Variants in KBTBD11 observed in about 807,000 individuals in gnomAD.
KBTBD11 encodes the protein kelch repeat and BTB domain-containing protein 11.
For synonymous variants in KBTBD11, 747 were observed against 499.0 expected (o/e 1.50, Z -6.63); for missense variants, 1,390 against 1,001.8 (o/e 1.39, Z -5.23).
In KBTBD11 at chr8:1,973,908, C is replaced by T. The variant is rs1816210785; in HGVS notation, c.-936C>T. 3 of 982,798 alleles carry T rather than the reference C, an allele frequency of 3.1e-6. No individual in the cohort carries two copies. The South Asian group carries it at 1.4e-4, about 46-fold the overall frequency. 60.9% of individuals were successfully genotyped at this position (982,798 alleles called of 1,614,324 possible). On this transcript the variant is annotated 5_prime_UTR_variant, in exon 1 of 2. Coordinates refer to ENST00000320248, the MANE Select transcript of KBTBD11 (RefSeq NM_014867.3). ...ACCCGCCTGGCTGCGCGTCCCGGGC[C>T]CGGCGGCTGAAGAGGAGCCGCGGCG...
At chr8:1,991,319 G>C (rs1288910984) in intron 1 of KBTBD11, among the ~76,000 whole-genome samples, 3 of 152,206 alleles carry the variant, frequency 2.0e-5, no homozygotes, top group African/African-American at 7.2e-5. Context: ...TTGCTTTTAG[G>C]TAAAGGATTA....
chr8:1,987,007 CAAAAAAAAAAAAAAAA>C (rs59934216), intron 1 of KBTBD11, among the ~76,000 whole-genome samples: 3 of 62,018 alleles, frequency 4.8e-5, no homozygotes, highest in African/African-American at 1.9e-4. Flanking sequence ...CCTATCTCTC[CAAAAAAAAAAAAAAAA>C]AAAAAAAAAA....
rs1467640314 is a variant in KBTBD11, at chr8:2,005,731, A to G, written c.*2667A>G. The G allele has an allele frequency of 1.8e-5, 3 of 167,088 alleles. No individual in the cohort carries two copies. In the East Asian group the frequency reaches 5.8e-4, roughly 32 times the overall value. The allele number at this position is 167,088 out of a possible 1,614,324, so 10.4% of individuals were successfully genotyped here. On this transcript the variant is annotated 3_prime_UTR_variant, in exon 2 of 2. Coordinates refer to ENST00000320248, the MANE Select transcript of KBTBD11 (RefSeq NM_014867.3). ...GACAGCTGTCCACACTCCTCATGAA[A>G]TTAACCCGTATGCCGGGGCATTTCC...
rs953894567 is a variant in KBTBD11, at chr8:2,005,875, A to G, written c.*2811A>G. On this transcript the variant is annotated 3_prime_UTR_variant, in exon 2 of 2. Coordinates refer to ENST00000320248, the MANE Select transcript of KBTBD11 (RefSeq NM_014867.3). ...AAGCCTGACCTTTTGCTTAGTTGAC[A>G]GCAATCCCTTCTGTATTGCCAATCA... 2 of 167,130 alleles carry G rather than the reference A, an allele frequency of 1.2e-5. No individual in the cohort carries two copies. Among genetic ancestry groups the G allele is most frequent in the Admixed American group, 1.3e-4 (2 of 15,292 alleles). The allele number at this position is 167,130 out of a possible 1,614,324, so 10.4% of individuals were successfully genotyped here.
Position 1,973,954 on chromosome 8 carries a change from A to C in KBTBD11, c.-909+19A>C. Reference sequence around the variant, plus strand: ...CGGCGAGGTAGGGCGGACCCCGGGGAGGCAGCGGCGGGGCCTGGCGGGCGG... The same window carrying C: ...CGGCGAGGTAGGGCGGACCCCGGGGCGGCAGCGGCGGGGCCTGGCGGGCGG... On this transcript the variant is annotated intron_variant, in intron 1 of 1. Coordinates refer to ENST00000320248, the MANE Select transcript of KBTBD11 (RefSeq NM_014867.3). 1 of 975,248 alleles carries C rather than the reference A, an allele frequency of 1.0e-6. No individual in the cohort carries two copies. The highest frequency in any genetic ancestry group is 1.2e-6 in the Non-Finnish European group (1 of 826,158). 60.4% of individuals were successfully genotyped at this position (975,248 alleles called of 1,614,324 possible). A position where few individuals can be genotyped will look rare whatever the true frequency, so the allele number is the denominator to read the frequency against.
chr8:1,988,395 TG>T (rs1285533057), intron 1 of KBTBD11, among the ~76,000 whole-genome samples: 4 of 152,194 alleles, frequency 2.6e-5, no homozygotes, highest in Non-Finnish European at 5.9e-5. Flanking sequence ...CAGCACCTGT[TG>T]TTTCCTGACT....
intron 1 of KBTBD11, among the ~76,000 whole-genome samples, chr8:1,990,036 C>G (rs1040950164): frequency 7.2e-6 from 1 of 139,602 alleles, no homozygotes; most frequent in Non-Finnish European, 1.5e-5. Flanking sequence ...TTTGTTCAGT[C>G]TTCTGAGACT....
intron 1 of KBTBD11, among the ~76,000 whole-genome samples, chr8:1,992,247 C>T (rs142047385): frequency 9.9e-5 from 15 of 152,224 alleles, no homozygotes; most frequent in African/African-American, 3.4e-4. Flanking sequence ...AACGTGGCAG[C>T]GCTGCCTGCC....
chr8:1,978,266 A>G (rs1316844434), intron 1 of KBTBD11, among the ~76,000 whole-genome samples: 1 of 152,204 alleles, frequency 6.6e-6, no homozygotes, highest in Non-Finnish European at 1.5e-5. Flanking sequence ...CTGTTCCTGT[A>G]TTCGTAGCAA....
chr8:1,980,739 A>G (rs536858518), intron 1 of KBTBD11, among the ~76,000 whole-genome samples: 1 of 152,338 alleles, frequency 6.6e-6, no homozygotes, highest in African/African-American at 2.4e-5. Context: ...GGGCAGGGGC[A>G]GGGCAGGGGC....
chr8:2,000,718 A>C lies in KBTBD11; in HGVS notation c.-475A>C. The C allele has an allele frequency of 6.5e-6, 1 of 153,696 alleles. No individual in the cohort carries two copies. 9.5% of individuals were successfully genotyped at this position (153,696 alleles called of 1,614,324 possible). On this transcript the variant is annotated 5_prime_UTR_variant, in exon 2 of 2. Coordinates refer to ENST00000320248, the MANE Select transcript of KBTBD11 (RefSeq NM_014867.3). ...TCCTGAGAGCGAGGGCGCACCCAAT[A>C]CCTGGTTATCTGGTACTGCAGAGAG...
rs935905610 is a variant in KBTBD11, at chr8:2,001,741, G to T, written c.549G>T (p.Ala183=). 5.2e-6 allele frequency: 7 copies of T among 1,338,388 alleles called. No individual in the cohort carries two copies. The highest frequency in any genetic ancestry group is 6.7e-6 in the Non-Finnish European group (7 of 1,047,054). 82.9% of individuals were successfully genotyped at this position (1,338,388 alleles called of 1,614,324 possible). A position where few individuals can be genotyped will look rare whatever the true frequency, so the allele number is the denominator to read the frequency against. ...GGGTGCAGGGAGTGAGCCTGACGGC[G>T]CTGCGGCTGCTCCTCGCCGACGCCT... ...VLRVQGVSLT[A]LRLLLADAYS... The change falls in exon 2 of 2, where the codon GCG becomes GCT. Residue 183 remains alanine, a synonymous_variant. Transcript: ENST00000320248.
At chr8:1,980,636 C>T (rs910606760) in intron 1 of KBTBD11, among the ~76,000 whole-genome samples, 5 of 152,206 alleles carry the variant, frequency 3.3e-5, no homozygotes, top group East Asian at 1.9e-4. Flanking sequence ...GTGGCATGGC[C>T]GGGTTGTGGT....
In KBTBD11 at chr8:1,988,884, C is replaced by T. The variant is rs1462595743; in HGVS notation, c.-908-11401C>T. ...TAATTAATTATCATTATTAACATATCAATGTAAATCTAACAGATTGACAGT... is the reference window on the plus strand; with the variant it reads ...TAATTAATTATCATTATTAACATATTAATGTAAATCTAACAGATTGACAGT... On this transcript the variant is annotated intron_variant, in intron 1 of 1. Coordinates refer to ENST00000320248, the MANE Select transcript of KBTBD11 (RefSeq NM_014867.3). Among the ~76,000 whole-genome samples the T allele has an allele frequency of 8.1e-3, 1,237 of 152,246 alleles. 13 individuals carry two copies. The highest frequency in any genetic ancestry group is 0.028 in the African/African-American group (1,142 of 41,516).
At chr8:1,992,507 G>A (rs1816956529) in intron 1 of KBTBD11, among the ~76,000 whole-genome samples, 1 of 151,998 alleles carries the variant, frequency 6.6e-6, no homozygotes, top group South Asian at 2.1e-4. Context: ...TAGGTACCTG[G>A]AGAGATTTCC....
chr8:1,979,067 C>T (rs1033816895), intron 1 of KBTBD11, among the ~76,000 whole-genome samples: 3 of 151,992 alleles, frequency 2.0e-5, no homozygotes, highest in African/African-American at 7.3e-5. Flanking sequence ...CATGTGTGTG[C>T]ATGTGTGTGC....
At chr8:1,982,767 G>A (rs1816582472) in intron 1 of KBTBD11, among the ~76,000 whole-genome samples, 2 of 149,338 alleles carry the variant, frequency 1.3e-5, no homozygotes, top group African/African-American at 5.0e-5. Flanking sequence ...TTTTTAGACA[G>A]GATCTCACTG....
chr8:1,977,083 T>G lies in KBTBD11; in HGVS notation c.-909+3148T>G, dbSNP rs796188157. ...GTAAACTTTCTTAAAACATTATGAG[T>G]TTTTTTTTTTTTTAAGCTCATCATC... is the stretch of plus-strand genomic sequence containing the variant. On this transcript the variant is annotated intron_variant, in intron 1 of 1. Coordinates refer to ENST00000320248, the MANE Select transcript of KBTBD11 (RefSeq NM_014867.3). 6.7e-5 allele frequency among the ~76,000 whole-genome samples: 6 copies of G among 89,288 alleles called. 1 individual carries two copies. In the South Asian group the frequency reaches 1.6e-3, roughly 24 times the overall value. The allele number at this position is 89,288 out of a possible 152,430, so 58.6% of individuals were successfully genotyped here. A position where few individuals can be genotyped will look rare whatever the true frequency, so the allele number is the denominator to read the frequency against.
chr8:1,988,528 T>G (rs1351660517), intron 1 of KBTBD11, among the ~76,000 whole-genome samples: 1 of 152,256 alleles, frequency 6.6e-6, no homozygotes, highest in Non-Finnish European at 1.5e-5. Context: ...CATAAATGTC[T>G]TCTTTTGAGA....
Sources: allele counts gnomAD v4.1 joint callset (sites outside exome capture counted in the v4.1 genomes callset), GRCh38; gene constraint gnomAD v4.1.1; transcripts MANE v1.5; gene names NCBI Gene and HGNC (gene_info 2026-07-23, HGNC 2026-07-21).